The following OFD1 variants were observed in gnomAD, a reference collection of about 807,000 sequenced individuals.
OFD1 encodes OFD1 centriole and centriolar satellite protein, also known as centriole and centriolar satellite protein OFD1.
In OFD1, 12 loss-of-function variants were observed where a neutral mutation model predicts 81.4. That is an observed-to-expected ratio of 0.15 (90% CI 0.09 to 0.24). The LOEUF is 0.24. OFD1 is among the 10% of genes least tolerant of loss of function. The probability of loss-of-function intolerance (pLI) is 1.00; values close to 1 mark genes in which losing one functional copy is unlikely to be tolerated. For synonymous variants in OFD1, 256 were observed against 263.7 expected (o/e 0.97, Z 0.28); for missense variants, 685 against 733.9 (o/e 0.93, Z 0.77).
rs778455940 is a variant in OFD1 at position 13,760,237 on chromosome X, C to G, written c.1777C>G (p.Pro593Ala). ...GATAAGTGGGGATTTCTTGAACAAT[C>G]CTTTTAAACAGGAAAACGTTCTAGC... ...GEISGDFLNN[P>A]FKQENVLARM... Residue 593 changes from proline (P) to alanine (A), a missense_variant, in exon 16 of 23, where the codon CCT becomes GCT. By Grantham distance (27) the Pro-to-Ala change is conservative. Transcript: ENST00000340096. 4.1e-6 allele frequency: 5 copies of G among 1,211,655 alleles called. No homozygotes were observed. Among genetic ancestry groups the G allele is most frequent in the Non-Finnish European group, 5.6e-6 (5 of 895,496 alleles).
At chrX:13,739,749 A>C (rs76837119) in intron 5 of OFD1, 1 of 179,873 alleles carries the variant, frequency 5.6e-6, no homozygotes, top group Non-Finnish European at 8.4e-6. Context: ...ACTCCGTCTC[A>C]AAAAAAAAAA....
chrX:13,716,126 AAAAC>A, the OFD1 span: 12 of 1,151,535 alleles, frequency 1.0e-5, no homozygotes, highest in African/African-American at 9.0e-5. Flanking sequence ...TTAGAAATGA[AAAAC>A]AAAAAGCAAC....
chrX:13,726,487 TTCA>T, the OFD1 span, among the ~76,000 whole-genome samples: 1 of 111,747 alleles, frequency 8.9e-6, no homozygotes, highest in East Asian at 2.8e-4. Context: ...AACCCAGAAT[TTCA>T]TATCCAGCCA....
the OFD1 span, among the ~76,000 whole-genome samples, chrX:13,725,583 A>G: frequency 8.9e-6 from 1 of 112,418 alleles, no homozygotes; most frequent in Non-Finnish European, 1.9e-5. Context: ...CAACATCTAC[A>G]CCAAAACCCC....
chrX:13,753,306 C>T (rs981013653), intron 10 of OFD1, 62 bp from the exon 11 acceptor site: 1 of 1,205,523 alleles, frequency 8.3e-7, no homozygotes, highest in Admixed American at 2.2e-5. Flanking sequence ...AGCTCCTGCA[C>T]TGATAACAGT....
rs755260232 is a variant in OFD1 at position 13,767,369 on chromosome X, T to C, written c.2757+85T>C. ...CATTGAGCTCAGGGAGGGGAGTCAA[T>C]TGGTGTACAAAGTCAGAGGTGCGGC... On this transcript the variant is annotated intron_variant, in intron 20 of 22. Coordinates refer to ENST00000340096, the MANE Select transcript of OFD1 (RefSeq NM_003611.3). 3.3e-5 allele frequency: 34 copies of C among 1,019,777 alleles called. No homozygotes were observed. The South Asian group carries it at 6.0e-4, about 18-fold the overall frequency. The allele number at this position is 1,019,777 out of a possible 1,213,427, so 84.0% of individuals were successfully genotyped here. A position where few individuals can be genotyped will look rare whatever the true frequency, so the allele number is the denominator to read the frequency against.
At chrX:13,728,032 C>A in the OFD1 span, among the ~76,000 whole-genome samples, 2 of 112,201 alleles carry the variant, frequency 1.8e-5, no homozygotes, top group East Asian at 2.8e-4. Context: ...CACATACACT[C>A]TCCCAAGGCT....
rs1171617951 is a variant in OFD1, at chrX:13,739,093, AGAAT to A, written c.412+65_412+68del. On this transcript the variant is annotated intron_variant, in intron 5 of 22. Coordinates refer to ENST00000340096, the MANE Select transcript of OFD1 (RefSeq NM_003611.3). Reference sequence around the variant, plus strand: ...TTTTCTATGTACTTTTTCCTCTAAAAGAATGAAGCAAATTTTTAGGGAGAAGAGT... The same window carrying A: ...TTTTCTATGTACTTTTTCCTCTAAAAGAAGCAAATTTTTAGGGAGAAGAGT... The A allele has an allele frequency of 1.9e-5, 19 of 1,000,777 alleles. No homozygotes were observed. The East Asian group carries it at 5.6e-4, about 29-fold the overall frequency. The allele number at this position is 1,000,777 out of a possible 1,213,427, so 82.5% of individuals were successfully genotyped here.
intron 10 of OFD1, chrX:13,753,103 C>G: frequency 1.0e-6 from 1 of 967,582 alleles, no homozygotes; most frequent in Non-Finnish European, 1.3e-6. Flanking sequence ...TGATTGCTTT[C>G]AGTAAGTAAC....
At chrX:13,745,431 A>G (rs918786265) in intron 6 of OFD1, among the ~76,000 whole-genome samples, 1 of 112,386 alleles carries the variant, frequency 8.9e-6, no homozygotes, top group Non-Finnish European at 1.9e-5. Context: ...TATTTTTTGC[A>G]CTGTCTTTGA....
chrX:13,772,684 C>A, downstream of OFD1: 1 of 358,460 alleles, frequency 2.8e-6, no homozygotes, highest in Non-Finnish European at 4.8e-6. Flanking sequence ...AACATGAAAC[C>A]TCCAATATTT....
At chrX:13,725,756 C>T in the OFD1 span, among the ~76,000 whole-genome samples, 2 of 112,290 alleles carry the variant, frequency 1.8e-5, no homozygotes, top group Non-Finnish European at 3.8e-5. Context: ...CGGAGAATGA[C>T]TTTGATGAGT....
intron 7 of OFD1, 88 bp from the exon 8 acceptor site, chrX:13,746,692 A>G: frequency 2.7e-6 from 2 of 735,251 alleles, no homozygotes; most frequent in Non-Finnish European, 2.0e-6. Context: ...CAGAGCATTA[A>G]TGTTAAACCT....
intron 17 of OFD1, 24 bp downstream of exon 17, chrX:13,761,235 T>C (rs777993899): frequency 8.3e-7 from 1 of 1,203,688 alleles, no homozygotes; most frequent in African/African-American, 1.8e-5. Context: ...TCTGATTGAT[T>C]AGCTTCAGCT....
In OFD1 at chrX:13,762,406, C is replaced by G; in HGVS notation, c.2450C>G (p.Ala817Gly). ...GAATTTTCAGATGTGGACAAGCTAG[C>G]TTTTAAGGATAATGAGGAGTTTGAA... ...KSEFSDVDKL[A>G]FKDNEEFESS... Residue 817 changes from alanine (A) to glycine (G), a missense_variant, in exon 18 of 23, where the codon GCT (alanine) becomes GGT (glycine). This residue lies in a region of OFD1 where 259 missense variants were observed against 254.4 expected (regional missense o/e 1.02). Coordinates refer to ENST00000340096, the MANE Select transcript of OFD1 (RefSeq NM_003611.3). The G allele has an allele frequency of 8.4e-7, 1 of 1,196,855 alleles. No homozygotes were observed. The highest frequency in any genetic ancestry group is 1.8e-5 in the South Asian group (1 of 56,525).
chrX:13,747,896 C>G (rs1191214502), intron 8 of OFD1, among the ~76,000 whole-genome samples: 4 of 111,124 alleles, frequency 3.6e-5, no homozygotes, highest in Non-Finnish European at 7.6e-5. Flanking sequence ...GAGAGGGAGT[C>G]CATGTTGGCA....
At chrX:13,753,217 C>T (rs749190223) in intron 10 of OFD1, 151 bp from the exon 11 acceptor site, 19 of 1,104,275 alleles carry the variant, frequency 1.7e-5, no homozygotes, top group Non-Finnish European at 2.3e-5. Context: ...GGGGTTATAT[C>T]CCTGGCTTTA....
At chrX:13,736,166 A>G (rs938086557) in intron 2 of OFD1, 75 of 884,112 alleles carry the variant, frequency 8.5e-5, no homozygotes, top group Non-Finnish European at 1.0e-4. Flanking sequence ...CCCAATCGTA[A>G]GCTGCTGAAA....
chrX:13,738,423 T>C (rs2046959418), intron 3 of OFD1, among the ~76,000 whole-genome samples: 1 of 112,630 alleles, frequency 8.9e-6, no homozygotes, highest in African/African-American at 3.2e-5. Flanking sequence ...TGTTAAACAA[T>C]ATTTTAAGTA....
Sources: allele counts gnomAD v4.1 joint callset (sites outside exome capture counted in the v4.1 genomes callset), GRCh38; gene constraint gnomAD v4.1.1; regional missense constraint gnomAD v4.1.1; transcripts MANE v1.5; gene names NCBI Gene and HGNC (gene_info 2026-07-23, HGNC 2026-07-21).